NBAS: variants seen among roughly 807,000 people sequenced by gnomAD.
NBAS encodes NBAS subunit of NRZ tethering complex, also known as NAG/BC035112 fusion.
In NBAS, 219 loss-of-function variants were observed where a neutral mutation model predicts 302.5. That is an observed-to-expected ratio of 0.72 (90% CI 0.65 to 0.81). NBAS has a LOEUF of 0.81. Ranked by LOEUF, NBAS falls within the 30% of genes least tolerant of loss-of-function variation. NBAS has a pLI of 0.00. For synonymous variants in NBAS, 1,118 were observed against 1,021.6 expected, an observed-to-expected ratio of 1.09 and a Z score of -1.80; for missense variants, 2,932 against 2,841.6, an observed-to-expected ratio of 1.03 and a Z score of -0.72.
rs541764490 is a variant in NBAS at position 15,263,065 on chromosome 2, T to C, written c.5724+12419A>G. Among the ~76,000 whole-genome samples the C allele has an allele frequency of 5.9e-5, 9 of 152,340 alleles. No homozygotes were observed. The East Asian group carries it at 1.5e-3, about 26-fold the overall frequency. ...CACCATCATCTCTCCCACATCAGGC[T>C]GCAAGAGGCTTCACAATGAAATTTC... is the stretch of plus-strand genomic sequence containing the variant. On this transcript the variant is annotated intron_variant, in intron 44 of 51. Coordinates refer to ENST00000281513, the MANE Select transcript of NBAS (RefSeq NM_015909.4).
chr2:15,202,970 G>A (rs906305513), intron 48 of NBAS, among the ~76,000 whole-genome samples: 3 of 152,138 alleles, frequency 2.0e-5, no homozygotes, highest in Non-Finnish European at 4.4e-5. Context: ...TTCAGACTCA[G>A]ATTTGAATAT....
the NBAS span, among the ~76,000 whole-genome samples, chr2:14,788,738 T>C: frequency 6.6e-6 from 1 of 152,180 alleles, no homozygotes; most frequent in Non-Finnish European, 1.5e-5. Context: ...AGTCTGCCCC[T>C]ACTGGGGGGT....
chr2:14,957,814 C>T, the NBAS span, among the ~76,000 whole-genome samples: 1 of 152,190 alleles, frequency 6.6e-6, no homozygotes, highest in African/African-American at 2.4e-5. Context: ...TTCCCAGCTG[C>T]CATTTGCTGA....
chr2:15,179,928 T>C (rs58788590), intron 50 of NBAS: 4,303 of 152,308 alleles, frequency 0.028, 143 homozygotes, highest in East Asian at 0.15. Flanking sequence ...CTGAGCTGTG[T>C]TGCCATTTAG....
chr2:14,991,739 GC>G, the NBAS span, among the ~76,000 whole-genome samples: 1 of 152,174 alleles, frequency 6.6e-6, no homozygotes. Context: ...AGAATCTTGG[GC>G]CTCACTCAGA....
At chr2:15,170,463 C>T (rs1664244465) in intron 51 of NBAS, among the ~76,000 whole-genome samples, 1 of 152,212 alleles carries the variant, frequency 6.6e-6, no homozygotes, top group South Asian at 2.1e-4. Flanking sequence ...CCGGCCCACT[C>T]AGAGGTTCCC....
the NBAS span, among the ~76,000 whole-genome samples, chr2:15,014,003 C>A: frequency 6.6e-6 from 1 of 151,922 alleles, no homozygotes; most frequent in African/African-American, 2.4e-5. Flanking sequence ...AAAGTAGCTA[C>A]ACTTAAATCA....
chr2:15,003,582 A>C, the NBAS span, among the ~76,000 whole-genome samples: 1 of 152,192 alleles, frequency 6.6e-6, no homozygotes, highest in Non-Finnish European at 1.5e-5. Flanking sequence ...GGACTAGGGG[A>C]GGTCTCTCAT....
At chr2:15,109,077 G>A in the NBAS span, among the ~76,000 whole-genome samples, 4 of 152,192 alleles carry the variant, frequency 2.6e-5, no homozygotes, top group South Asian at 2.1e-4. Context: ...TGCAAACTTC[G>A]GCTAATGTCC....
rs1553310378 is a variant in NBAS, at chr2:15,424,907, T to TCATAAAAATAAG, written c.2424-440_2424-439insCTTATTTTTATG. The stretch of plus-strand genomic sequence containing the variant: ...TTGAATTTGAATTAAGAAATCTTGT[T>TCATAAAAATAAG]TTCGATGTTCATAAAAATAAGAGGA... On this transcript the variant is annotated intron_variant, in intron 22 of 51. Transcript: ENST00000281513. 3.9e-5 allele frequency among the ~76,000 whole-genome samples: 6 copies of TCATAAAAATAAG among 152,238 alleles called. No individual in the cohort carries two copies. In the East Asian group the frequency reaches 1.2e-3, roughly 29 times the overall value.
At chr2:15,335,462 T>G (rs921738577) in intron 35 of NBAS, among the ~76,000 whole-genome samples, 2 of 152,104 alleles carry the variant, frequency 1.3e-5, no homozygotes, top group African/African-American at 4.8e-5. Flanking sequence ...ATTGTAAGAG[T>G]TCTGGTTGCT....
intron 21 of NBAS, among the ~76,000 whole-genome samples, chr2:15,451,771 A>T (rs557988930): frequency 9.2e-5 from 14 of 152,082 alleles, no homozygotes; most frequent in Non-Finnish European, 1.6e-4. Context: ...AGTTCCCTTC[A>T]GGTTGGATAC....
chr2:15,560,641 C>G (rs926856029), intron 1 of NBAS, among the ~76,000 whole-genome samples: 3 of 151,960 alleles, frequency 2.0e-5, no homozygotes, highest in African/African-American at 7.3e-5. Flanking sequence ...TTGAAACACA[C>G]AAGACCTGGC....
At chr2:15,551,765 T>C (rs1335335889) in intron 5 of NBAS, among the ~76,000 whole-genome samples, 2 of 152,208 alleles carry the variant, frequency 1.3e-5, no homozygotes, top group Non-Finnish European at 2.9e-5. Flanking sequence ...ATATATGGAA[T>C]ATAGTGACAC....
chr2:15,391,664 A>G (rs1242390412), intron 28 of NBAS, among the ~76,000 whole-genome samples: 1 of 152,068 alleles, frequency 6.6e-6, no homozygotes, highest in Non-Finnish European at 1.5e-5. Context: ...GAAACTATAA[A>G]CCCAAAGACC....
chr2:15,507,045 T>C lies in NBAS; in HGVS notation c.886-2832A>G, dbSNP rs144834106. On this transcript the variant is annotated intron_variant, in intron 10 of 51. Coordinates refer to ENST00000281513, the MANE Select transcript of NBAS (RefSeq NM_015909.4). Reference sequence around the variant, plus strand: ...AAGGAAAGGAAAAGAAATGGGATGGTAGCTAGAGGGCAAAGTGGAGTCTGA... The same window carrying C: ...AAGGAAAGGAAAAGAAATGGGATGGCAGCTAGAGGGCAAAGTGGAGTCTGA... 4.4e-3 allele frequency among the ~76,000 whole-genome samples: 671 copies of C among 152,296 alleles called. 6 individuals carry two copies. The highest frequency in any genetic ancestry group is 0.015 in the African/African-American group (639 of 41,568).
At chr2:15,351,675 GA>G (rs1055688077) in intron 35 of NBAS, among the ~76,000 whole-genome samples, 1 of 151,624 alleles carries the variant, frequency 6.6e-6, no homozygotes, top group Non-Finnish European at 1.5e-5. Context: ...AGACTCCATA[GA>G]AAAAAAAGGA....
chr2:15,441,472 C>A (rs1678401051), intron 21 of NBAS, among the ~76,000 whole-genome samples: 2 of 151,470 alleles, frequency 1.3e-5, no homozygotes, highest in Non-Finnish European at 3.0e-5. Context: ...ATTTTGTCAC[C>A]ACCAGGCCTG....
At chr2:14,820,937 T>C in the NBAS span, among the ~76,000 whole-genome samples, 3 of 151,374 alleles carry the variant, frequency 2.0e-5, no homozygotes, top group Non-Finnish European at 3.0e-5. Flanking sequence ...TTTCTTTTCT[T>C]TTTTTTTTCC....
Sources: allele counts gnomAD v4.1 joint callset (sites outside exome capture counted in the v4.1 genomes callset), GRCh38; gene constraint gnomAD v4.1.1; transcripts MANE v1.5; gene names NCBI Gene and HGNC (gene_info 2026-07-23, HGNC 2026-07-21).